The following CAST variants were observed in gnomAD, a reference collection of about 807,000 sequenced individuals.
CAST encodes the protein MIR583 host.
A neutral mutation model predicts 119.6 loss-of-function variants in CAST; 76 were observed. The ratio of observed to expected loss-of-function variants is 0.64; its 90% CI spans 0.53 to 0.77. The LOEUF (loss-of-function observed/expected upper bound fraction) is 0.77. Ranked by LOEUF, CAST falls within the 30% of genes least tolerant of loss-of-function variation. CAST has a pLI of 0.00. For synonymous variants in CAST, 319 were observed against 331.6 expected (o/e 0.96, Z 0.41); for missense variants, 953 against 946.5 (o/e 1.01, Z -0.09).
At chr5:96,047,510 A>G in the CAST span, among the ~76,000 whole-genome samples, 2 of 152,362 alleles carry the variant, frequency 1.3e-5, no homozygotes, top group East Asian at 1.9e-4. Context: ...AAAAAAGAAG[A>G]GTAGAAAAAG....
rs1055880874 is a variant in CAST at position 96,743,515 on chromosome 5, G to C, written c.1200+759G>C. 11 of 1,439,948 alleles carry C rather than the reference G, an allele frequency of 7.6e-6. No individual in the cohort carries two copies. In the African/African-American group the frequency reaches 1.5e-4, roughly 19 times the overall value. 89.2% of individuals were successfully genotyped at this position (1,439,948 alleles called of 1,614,324 possible). On this transcript the variant is annotated intron_variant, in intron 16 of 31. Transcript: ENST00000675179. ...CAGGCTGGGGGTGCTGGCAGGCATT[G>C]CTGTCACAATGCCCCATCTCTGCTG...
the CAST span, among the ~76,000 whole-genome samples, chr5:96,131,758 A>T: frequency 1.5e-3 from 228 of 152,304 alleles, no homozygotes; most frequent in Non-Finnish European, 2.7e-3. Context: ...AGTTGGGAAG[A>T]GTTCACACCA....
intron 1 of CAST, among the ~76,000 whole-genome samples, chr5:96,565,004 T>C (rs1746441848): frequency 6.6e-6 from 1 of 152,176 alleles, no homozygotes; most frequent in Non-Finnish European, 1.5e-5. Flanking sequence ...TAGTTTACTT[T>C]TTTAATTAAA....
the CAST span, among the ~76,000 whole-genome samples, chr5:95,980,729 C>T: frequency 6.6e-6 from 1 of 152,202 alleles, no homozygotes; most frequent in South Asian, 2.1e-4. Flanking sequence ...AGTTCTCCTA[C>T]TGCCATCCAC....
At chr5:96,144,092 A>C in the CAST span, among the ~76,000 whole-genome samples, 2 of 152,216 alleles carry the variant, frequency 1.3e-5, no homozygotes, top group African/African-American at 4.8e-5. Context: ...AGTAAAACAT[A>C]ATTAGGTGTC....
chr5:96,051,122 TA>T, the CAST span, among the ~76,000 whole-genome samples: 1 of 152,166 alleles, frequency 6.6e-6, no homozygotes, highest in Non-Finnish European at 1.5e-5. Flanking sequence ...TAAATTTCCC[TA>T]AAGTGTTTGT....
At chr5:96,368,752 G>A in the CAST span, among the ~76,000 whole-genome samples, 3 of 152,042 alleles carry the variant, frequency 2.0e-5, no homozygotes, top group African/African-American at 7.2e-5. Context: ...TTCATATTGA[G>A]AGAATATCTA....
rs144563525 is a variant in CAST, at chr5:96,753,658, G to C, written c.1525-402G>C. ...AAGCCAGGCTGTCCCACAGGAAATG[G>C]AGAGGAATGGCCTCTTGTGGGCTCT... On this transcript the variant is annotated intron_variant, in intron 20 of 31. Coordinates refer to ENST00000675179, the MANE Select transcript of CAST (RefSeq NM_001750.7). Among the ~76,000 whole-genome samples, 350 of 152,308 alleles carry C rather than the reference G, an allele frequency of 2.3e-3. 1 individual carries two copies. The highest frequency in any genetic ancestry group is 8.1e-3 in the African/African-American group (338 of 41,564).
At chr5:96,174,125 A>T in the CAST span, among the ~76,000 whole-genome samples, 1 of 152,152 alleles carries the variant, frequency 6.6e-6, no homozygotes, top group Non-Finnish European at 1.5e-5. Context: ...TCATGAAGAT[A>T]AAGAATCTGA....
chr5:96,585,251 A>G (rs1746839520), intron 1 of CAST, among the ~76,000 whole-genome samples: 1 of 151,462 alleles, frequency 6.6e-6, no homozygotes, highest in Non-Finnish European at 1.5e-5. Context: ...CTCCATTCCC[A>G]CTCACAACGC....
At chr5:96,091,198 ATC>A in the CAST span, among the ~76,000 whole-genome samples, 5 of 149,452 alleles carry the variant, frequency 3.3e-5, no homozygotes, top group South Asian at 8.4e-4. Context: ...ATGTTACTGA[ATC>A]TCTCTCTTTT....
At chr5:96,433,980 A>G in the CAST span, 1 of 152,122 alleles carries the variant, frequency 6.6e-6, no homozygotes, top group African/African-American at 2.4e-5. Context: ...AAAAAAACAT[A>G]TTTTTAAGAA....
At chr5:96,426,819 C>T in the CAST span, among the ~76,000 whole-genome samples, 7 of 152,074 alleles carry the variant, frequency 4.6e-5, no homozygotes, top group African/African-American at 7.2e-5. Flanking sequence ...AAATAAAAAC[C>T]GAAAAATAAT....
chr5:96,512,939 T>A, the CAST span, among the ~76,000 whole-genome samples: 2 of 152,336 alleles, frequency 1.3e-5, no homozygotes, highest in South Asian at 2.1e-4. Flanking sequence ...ATAATGGCTA[T>A]CATTTCTCTA....
rs113811697 is a variant in CAST at position 96,711,120 on chromosome 5, T to G, written c.211-11519T>G. Among the ~76,000 whole-genome samples, 594 of 152,328 alleles carry G rather than the reference T, an allele frequency of 3.9e-3. 10 individuals carry two copies. The highest frequency in any genetic ancestry group is 0.033 in the South Asian group (159 of 4,824). On this transcript the variant is annotated intron_variant, in intron 3 of 31. Transcript: ENST00000675179. Reference sequence around the variant, plus strand: ...TACCTGTTCACAGGTTTCCAAAGATTAAATGTGATCAACACTGATCTCCAT... The same window carrying G: ...TACCTGTTCACAGGTTTCCAAAGATGAAATGTGATCAACACTGATCTCCAT...
chr5:96,519,297 T>C, the CAST span, among the ~76,000 whole-genome samples: 1 of 152,184 alleles, frequency 6.6e-6, no homozygotes, highest in Non-Finnish European at 1.5e-5. Flanking sequence ...TTATTATGAA[T>C]ATTAAATTAG....
At chr5:96,644,523 A>G (rs1225531500) in intron 1 of CAST, among the ~76,000 whole-genome samples, 4 of 152,220 alleles carry the variant, frequency 2.6e-5, no homozygotes, top group African/African-American at 9.6e-5. Context: ...ATAACAGTTT[A>G]TTTTGGAGTA....
At chr5:96,764,638 T>C (rs1769184005) in intron 25 of CAST, among the ~76,000 whole-genome samples, 1 of 152,136 alleles carries the variant, frequency 6.6e-6, no homozygotes, top group African/African-American at 2.4e-5. Context: ...AGGATGGCAG[T>C]GCCGAGCTCC....
At chr5:96,255,711 A>C in the CAST span, among the ~76,000 whole-genome samples, 1 of 152,146 alleles carries the variant, frequency 6.6e-6, no homozygotes, top group Non-Finnish European at 1.5e-5. Flanking sequence ...CAATTTGAGT[A>C]ACTGCTTTAC....
Sources: gnomAD v4.1 joint callset for allele counts (sites outside exome capture counted in the v4.1 genomes callset) on GRCh38, gnomAD v4.1.1 for gene constraint, MANE v1.5 for transcripts, NCBI Gene and HGNC (gene_info 2026-07-23, HGNC 2026-07-21) for gene names.